Variants in BRI3 observed in about 807,000 individuals in gnomAD.
BRI3 encodes the protein membrane protein BRI3.
Under a neutral mutation model 12.8 loss-of-function variants are expected in BRI3, and 6 were observed. The observed-to-expected ratio is 0.47, with a 90% CI of 0.26 to 0.93. The LOEUF is 0.93. BRI3 is among the 40% of genes least tolerant of loss of function. The probability of loss-of-function intolerance (pLI) is 0.15; values close to 1 mark genes in which losing one functional copy is unlikely to be tolerated. For missense variants in BRI3, 134 were observed against 171.1 expected (o/e 0.78, Z 1.21); for synonymous variants, 91 against 76.1 (o/e 1.20, Z -1.02).
chr7:98,288,422 G>T (rs916505856), intron 2 of BRI3, among the ~76,000 whole-genome samples: 16 of 152,110 alleles, frequency 1.1e-4, no homozygotes, highest in African/African-American at 3.6e-4. Flanking sequence ...ACTGGCAGGG[G>T]CAGCCCTGGG....
chr7:98,315,824 C>T, the BRI3 span, among the ~76,000 whole-genome samples: 1 of 152,074 alleles, frequency 6.6e-6, no homozygotes, highest in Non-Finnish European at 1.5e-5. Context: ...AGAGAAGTTG[C>T]CCAAGGGCTT....
At position 98,291,418 on chromosome 7, in the gene BRI3, C is replaced by A. The variant is rs571655703; in HGVS notation, c.*175C>A. On this transcript the variant is annotated 3_prime_UTR_variant, in exon 3 of 3. Coordinates refer to ENST00000297290, the MANE Select transcript of BRI3 (RefSeq NM_015379.5). ...CGTGGAGAGGCAGTGCTGCTGCTCCCGCCCGAGGCTCATGACAACTCAATA... is the reference window on the plus strand; with the variant it reads ...CGTGGAGAGGCAGTGCTGCTGCTCCAGCCCGAGGCTCATGACAACTCAATA... 1.0e-5 allele frequency: 15 copies of A among 1,436,196 alleles called. No homozygotes were observed. Among genetic ancestry groups the A allele is most frequent in the Non-Finnish European group, 1.4e-5 (15 of 1,095,644 alleles). 89.0% of individuals were successfully genotyped at this position (1,436,196 alleles called of 1,614,324 possible). A position where few individuals can be genotyped will look rare whatever the true frequency, so the allele number is the denominator to read the frequency against.
rs1208583789 is a variant in BRI3, at chr7:98,281,900, C to T, written c.105C>T (p.Ala35=). ...CGPHGYGAIP[A]APPPPPYPYL... ...CGCACGGCTACGGCGCCATCCCCGC[C>T]GCGCCCCCGCCGCCGCCCTACCCCT... The change falls in exon 1 of 3, where the codon GCC becomes GCT. Residue 35 remains alanine, a synonymous_variant. Transcript: ENST00000297290. 14 of 1,299,810 alleles carry T rather than the reference C, an allele frequency of 1.1e-5. No homozygotes were observed. Among genetic ancestry groups the T allele is most frequent in the Admixed American group, 4.0e-5 (1 of 24,812 alleles). 80.5% of individuals were successfully genotyped at this position (1,299,810 alleles called of 1,614,324 possible). A position where few individuals can be genotyped will look rare whatever the true frequency, so the allele number is the denominator to read the frequency against.
the BRI3 span, among the ~76,000 whole-genome samples, chr7:98,322,590 T>C: frequency 6.6e-6 from 1 of 152,192 alleles, no homozygotes; most frequent in Admixed American, 6.5e-5. Context: ...GCATGGGGCA[T>C]GGCGTGTGAA....
At chr7:98,285,683 G>A (rs1056690431) in intron 2 of BRI3, among the ~76,000 whole-genome samples, 6 of 152,192 alleles carry the variant, frequency 3.9e-5, no homozygotes, top group Non-Finnish European at 7.3e-5. Context: ...CAGAGTCTCC[G>A]GGCACCTTCT....
rs1799932890 is a variant in BRI3, at chr7:98,291,139, T to G, written c.274T>G (p.Phe92Val). 1 of 1,614,192 alleles carries G rather than the reference T, an allele frequency of 6.2e-7. No individual in the cohort carries two copies. The highest frequency in any genetic ancestry group is 8.5e-7 in the Non-Finnish European group (1 of 1,180,028). ...RVGVLEDCFTFLGIFLAIILF... is the reference protein window; with the variant it reads ...RVGVLEDCFTVLGIFLAIILF... The stretch of plus-strand genomic sequence containing the variant: ...TGGGGTGCTGGAGGACTGCTTCACC[T>G]TCCTGGGCATCTTCCTGGCCATCAT... Residue 92 changes from phenylalanine (F) to valine (V), a missense_variant, in exon 3 of 3, where the codon TTC (phenylalanine) becomes GTC (valine). By Grantham distance (50) the Phe-to-Val change is conservative. Coordinates refer to ENST00000297290, the MANE Select transcript of BRI3 (RefSeq NM_015379.5).
downstream of BRI3, chr7:98,293,951 C>A: frequency 8.7e-7 from 1 of 1,154,980 alleles, no homozygotes; most frequent in Non-Finnish European, 1.3e-6. Context: ...TCCCCCATGG[C>A]TCCACAGGCC....
At chr7:98,303,233 G>C (rs535610114), upstream of BRI3, among the ~76,000 whole-genome samples, 4 of 152,268 alleles carry the variant, frequency 2.6e-5, no homozygotes, top group Admixed American at 2.6e-4. Flanking sequence ...AAGCACATCC[G>C]TTTCATATCA....
Position 98,290,969 on chromosome 7 carries a change from G to A in BRI3, c.246-142G>A, listed in dbSNP as rs112430212. 105 of 737,484 alleles carry A rather than the reference G, an allele frequency of 1.4e-4. 1 individual carries two copies. The South Asian group carries it at 2.6e-3, about 18-fold the overall frequency. 45.7% of individuals were successfully genotyped at this position (737,484 alleles called of 1,614,324 possible). On this transcript the variant is annotated intron_variant, in intron 2 of 2. Transcript: ENST00000297290. ...GGGCTGTAGCTGGGTGGTGGGGTGG[G>A]GGGCTGTTTTCTGTCACTCGCCAGA...
the BRI3 span, among the ~76,000 whole-genome samples, chr7:98,320,798 C>T: frequency 6.6e-6 from 1 of 152,200 alleles, no homozygotes; most frequent in Admixed American, 6.5e-5. Context: ...CAAACAGCTT[C>T]TACAACATAA....
the BRI3 span, chr7:98,317,448 C>G: frequency 2.0e-6 from 3 of 1,496,936 alleles, no homozygotes; most frequent in Non-Finnish European, 2.7e-6. Context: ...GTGTGTGGCT[C>G]AACGGGGCCC....
intron 1 of BRI3, among the ~76,000 whole-genome samples, chr7:98,301,092 G>C (rs890468255): frequency 6.6e-6 from 1 of 152,146 alleles, no homozygotes; most frequent in African/African-American, 2.4e-5. Flanking sequence ...ATGCTGATGG[G>C]ACGGTCTCAT....
chr7:98,301,687 G>A (rs192817514), upstream of BRI3, among the ~76,000 whole-genome samples: 500 of 152,190 alleles, frequency 3.3e-3, 3 homozygotes, highest in African/African-American at 0.011. Context: ...GCACACGCGC[G>A]TCTGTGTGTG....
the BRI3 span, chr7:98,317,445 G>A: frequency 6.7e-7 from 1 of 1,500,348 alleles, no homozygotes. Flanking sequence ...ACTGTGTGTG[G>A]CTCAACGGGG....
chr7:98,294,020 C>T (rs1309809452), downstream of BRI3: 2 of 1,594,958 alleles, frequency 1.3e-6, no homozygotes, highest in Admixed American at 3.3e-5. Context: ...CCGGGGGACA[C>T]TACAGGGAAG....
At chr7:98,295,532 G>C (rs1231390306), downstream of BRI3, among the ~76,000 whole-genome samples, 8 of 152,148 alleles carry the variant, frequency 5.3e-5, no homozygotes, top group East Asian at 1.4e-3. Context: ...AATGCACCAG[G>C]GTGCCTGTCG....
chr7:98,297,839 C>T (rs1183654978), downstream of BRI3, among the ~76,000 whole-genome samples: 1 of 152,226 alleles, frequency 6.6e-6, no homozygotes, highest in African/African-American at 2.4e-5. Flanking sequence ...CTGTGAAATG[C>T]AGGCTTGCTT....
chr7:98,305,291 A>G (rs146986747), upstream of BRI3, among the ~76,000 whole-genome samples: 691 of 151,352 alleles, frequency 4.6e-3, 4 homozygotes, highest in African/African-American at 0.016. Flanking sequence ...GGAGACTAGC[A>G]AAAGCTGGAG....
At chr7:98,290,041 T>G (rs1562958680) in intron 2 of BRI3, among the ~76,000 whole-genome samples, 2 of 152,282 alleles carry the variant, frequency 1.3e-5, no homozygotes, top group East Asian at 1.9e-4. Flanking sequence ...TAGTCTCCCA[T>G]TAACCCACCC....
Sources: gnomAD v4.1 joint callset for allele counts (sites outside exome capture counted in the v4.1 genomes callset) on GRCh38, gnomAD v4.1.1 for gene constraint, MANE v1.5 for transcripts, NCBI Gene and HGNC (gene_info 2026-07-23, HGNC 2026-07-21) for gene names.